The following ATP8A2 variants were observed in gnomAD, a reference collection of about 807,000 sequenced individuals.
ATP8A2 encodes the protein ATPase phospholipid transporting 8A2.
ATP8A2 carries 100 observed loss-of-function variants against 165.6 expected under a neutral mutation model. The observed-to-expected ratio is 0.60, with a 90% confidence interval of 0.51 to 0.71. ATP8A2 has a LOEUF of 0.71. Among genes scored for constraint, ATP8A2 ranks in the 30% least tolerant of loss-of-function variants. The pLI, the probability that ATP8A2 is intolerant of heterozygous loss-of-function variation, is 0.00. For synonymous variants in ATP8A2, 543 were observed against 548.8 expected (o/e 0.99, Z 0.15); for missense variants, 1,227 against 1,479.5 (o/e 0.83, Z 2.80).
At chr13:25,518,659 G>A (rs2037558220) in intron 2 of ATP8A2, among the ~76,000 whole-genome samples, 1 of 152,138 alleles carries the variant, frequency 6.6e-6, no homozygotes, top group Non-Finnish European at 1.5e-5. Context: ...TCTCGTAGCT[G>A]GAAAATCAGA....
At chr13:25,767,851 C>T (rs188650902) in intron 25 of ATP8A2, among the ~76,000 whole-genome samples, 330 of 152,188 alleles carry the variant, frequency 2.2e-3, no homozygotes, top group Non-Finnish European at 4.2e-3. Flanking sequence ...GCATTTCTTT[C>T]TCAAGTTGGT....
intron 27 of ATP8A2, among the ~76,000 whole-genome samples, chr13:25,827,114 T>G (rs1417159817): frequency 1.3e-5 from 2 of 152,142 alleles, no homozygotes; most frequent in Non-Finnish European, 2.9e-5. Flanking sequence ...TTTGTTTTGG[T>G]TTTTATTTTC....
chr13:25,791,832 C>A (rs961238192), intron 27 of ATP8A2, among the ~76,000 whole-genome samples: 1 of 152,064 alleles, frequency 6.6e-6, no homozygotes, highest in African/African-American at 2.4e-5. Flanking sequence ...TTTACTAGAC[C>A]CTTGTTTCCT....
chr13:25,915,324 T>A (rs1954240013), intron 33 of ATP8A2, among the ~76,000 whole-genome samples: 1 of 152,186 alleles, frequency 6.6e-6, no homozygotes, highest in Non-Finnish European at 1.5e-5. Context: ...TAAAAGATTG[T>A]CATTTAATTA....
intron 33 of ATP8A2, among the ~76,000 whole-genome samples, chr13:25,875,733 C>CT (rs1198060159): frequency 1.3e-5 from 2 of 149,426 alleles, no homozygotes; most frequent in African/African-American, 5.2e-5. Context: ...ATGTCTGTGG[C>CT]ATGATATTCA....
intron 33 of ATP8A2, among the ~76,000 whole-genome samples, chr13:25,897,804 C>T (rs1159075564): frequency 6.6e-6 from 1 of 152,192 alleles, no homozygotes; most frequent in East Asian, 1.9e-4. Context: ...ATCGCTGATA[C>T]CCTTTCCTCC....
intron 5 of ATP8A2, 148 bp downstream of exon 5, chr13:25,532,465 C>A: frequency 1.7e-6 from 1 of 594,670 alleles, no homozygotes; most frequent in South Asian, 2.5e-5. Context: ...AACAAACAAA[C>A]TGAACATAAT....
chr13:25,902,822 C>T (rs889065039), intron 33 of ATP8A2, among the ~76,000 whole-genome samples: 9 of 152,094 alleles, frequency 5.9e-5, no homozygotes, highest in Admixed American at 4.6e-4. Flanking sequence ...CACAGGCCCA[C>T]GCTGGTTGAG....
At chr13:26,012,029 A>G (rs902267712) in intron 35 of ATP8A2, among the ~76,000 whole-genome samples, 2 of 151,920 alleles carry the variant, frequency 1.3e-5, no homozygotes, top group Admixed American at 1.3e-4. Flanking sequence ...GGTTCAGGAA[A>G]GGCAGGGACT....
At chr13:25,420,082 G>A (rs1311103994) in intron 1 of ATP8A2, among the ~76,000 whole-genome samples, 1 of 152,198 alleles carries the variant, frequency 6.6e-6, no homozygotes, top group Non-Finnish European at 1.5e-5. Context: ...GGGTTTCTGT[G>A]TAAAATCAGT....
At chr13:25,784,267 T>G (rs1566135083) in intron 27 of ATP8A2, among the ~76,000 whole-genome samples, 2 of 152,146 alleles carry the variant, frequency 1.3e-5, no homozygotes, top group Non-Finnish European at 2.9e-5. Flanking sequence ...ACAGAGCCCA[T>G]GCAAAGAACT....
At chr13:25,508,819 C>T (rs897015251) in intron 2 of ATP8A2, among the ~76,000 whole-genome samples, 1 of 152,212 alleles carries the variant, frequency 6.6e-6, no homozygotes, top group African/African-American at 2.4e-5. Context: ...GGGGACCTTA[C>T]CAATGTAGAC....
chr13:25,662,892 G>C (rs1426901735), intron 24 of ATP8A2, among the ~76,000 whole-genome samples: 10 of 152,184 alleles, frequency 6.6e-5, no homozygotes, highest in East Asian at 1.9e-4. Context: ...TCATTTCCAA[G>C]CACCCTGTCA....
In ATP8A2 at chr13:25,750,402, C is replaced by G. The variant is rs1365507056; in HGVS notation, c.2385-18644C>G. ...CCCCCTCTTCCTTGGTTACTCTCAT[C>G]TGTCTCTAGTTTTGGGCCATACACT... is the stretch of plus-strand genomic sequence containing the variant. On this transcript the variant is annotated intron_variant, in intron 25 of 36. Transcript: ENST00000381655. This position sits in a 1 kb window ranked among gnomAD's most constrained non-coding sequence, Gnocchi z 4.3. 6.6e-6 allele frequency among the ~76,000 whole-genome samples: 1 copy of G among 152,204 alleles called. No homozygotes were observed. The highest frequency in any genetic ancestry group is 6.5e-5 in the Admixed American group (1 of 15,292).
At chr13:25,839,031 G>C (rs1951694228) in intron 29 of ATP8A2, among the ~76,000 whole-genome samples, 1 of 152,160 alleles carries the variant, frequency 6.6e-6, no homozygotes, top group African/African-American at 2.4e-5. Context: ...AGTTGAGTGA[G>C]AGGGATTTGA....
At chr13:25,925,380 A>G (rs1345730526) in intron 33 of ATP8A2, among the ~76,000 whole-genome samples, 1 of 152,018 alleles carries the variant, frequency 6.6e-6, no homozygotes, top group East Asian at 2.0e-4. Flanking sequence ...TAAAAATACA[A>G]AAAAGTAGCC....
chr13:25,641,838 A>C (rs564871147), intron 24 of ATP8A2, among the ~76,000 whole-genome samples: 26 of 40,950 alleles, frequency 6.3e-4, no homozygotes, highest in African/African-American at 2.2e-3. Context: ...GCGTCACGCT[A>C]CCTGACTTCA....
chr13:25,988,795 TTGAG>T (rs1956323041), intron 35 of ATP8A2, among the ~76,000 whole-genome samples: 1 of 152,228 alleles, frequency 6.6e-6, no homozygotes, highest in Non-Finnish European at 1.5e-5. Context: ...GGGCTGAACT[TTGAG>T]TGACTCACCC....
chr13:25,378,454 G>A (rs954986839), intron 1 of ATP8A2, among the ~76,000 whole-genome samples: 1 of 151,928 alleles, frequency 6.6e-6, no homozygotes, highest in Admixed American at 6.6e-5. Flanking sequence ...CAGGAATATG[G>A]TAAAATATTG....
Sources: gnomAD v4.1 joint callset for allele counts (sites outside exome capture counted in the v4.1 genomes callset) on GRCh38, gnomAD v4.1.1 for gene constraint, Gnocchi (gnomAD v3.1) non-coding constraint, MANE v1.5 for transcripts, NCBI Gene and HGNC (gene_info 2026-07-23, HGNC 2026-07-21) for gene names.